The following UVRAG variants were observed in gnomAD, a reference collection of about 807,000 sequenced individuals.
UVRAG encodes the protein UV radiation resistance-associated gene protein.
A neutral mutation model predicts 78.0 loss-of-function variants in UVRAG; 19 were observed. The ratio of observed to expected loss-of-function variants is 0.24; its 90% CI spans 0.17 to 0.36. The LOEUF (loss-of-function observed/expected upper bound fraction) is 0.36, where lower values mean the gene tolerates loss of function less well. UVRAG is among the 10% of genes least tolerant of loss of function. The pLI is 1.00. For missense variants in UVRAG, 740 were observed against 853.8 expected (o/e 0.87, Z 1.66); for synonymous variants, 323 against 324.6 (o/e 1.00, Z 0.05).
chr11:75,976,553 T>C (rs1314531644), intron 7 of UVRAG, among the ~76,000 whole-genome samples: 1 of 152,216 alleles, frequency 6.6e-6, no homozygotes, highest in Non-Finnish European at 1.5e-5. Flanking sequence ...GAGCCTGTTA[T>C]TGCTCTATTC....
chr11:75,981,451 C>T (rs1949390253), intron 7 of UVRAG, among the ~76,000 whole-genome samples: 1 of 145,560 alleles, frequency 6.9e-6, no homozygotes, highest in Admixed American at 6.7e-5. Context: ...CTTTTCTTTT[C>T]GTTTTTTTTT....
intron 6 of UVRAG, among the ~76,000 whole-genome samples, chr11:75,951,224 T>C (rs1338381905): frequency 6.6e-6 from 1 of 152,170 alleles, no homozygotes; most frequent in African/African-American, 2.4e-5. Flanking sequence ...ATTTATTTCC[T>C]ATATACGTAT....
intron 13 of UVRAG, among the ~76,000 whole-genome samples, chr11:76,070,418 G>A (rs1366851709): frequency 6.6e-6 from 1 of 152,120 alleles, no homozygotes; most frequent in Non-Finnish European, 1.5e-5. Context: ...ATTGTATTGT[G>A]TACTGAAAAT....
chr11:75,925,186 A>C (rs1948071929), intron 6 of UVRAG, among the ~76,000 whole-genome samples: 1 of 152,200 alleles, frequency 6.6e-6, no homozygotes, highest in Non-Finnish European at 1.5e-5. Flanking sequence ...CGCTGGTGCC[A>C]GGCATGTTCC....
chr11:75,897,441 G>A (rs1947366354), intron 5 of UVRAG, among the ~76,000 whole-genome samples: 1 of 152,072 alleles, frequency 6.6e-6, no homozygotes, highest in Non-Finnish European at 1.5e-5. Context: ...TGACGTTCAG[G>A]GGGCTCATGA....
At chr11:76,139,726 A>G (rs1952671147) in intron 14 of UVRAG, among the ~76,000 whole-genome samples, 1 of 152,218 alleles carries the variant, frequency 6.6e-6, no homozygotes, top group Non-Finnish European at 1.5e-5. Flanking sequence ...CTCTATTTCC[A>G]TTAACTGATT....
At chr11:75,847,969 CAAA>C (rs35386754) in intron 1 of UVRAG, among the ~76,000 whole-genome samples, 4 of 69,820 alleles carry the variant, frequency 5.7e-5, no homozygotes, top group Admixed American at 3.5e-4. Context: ...GACTGTGTCT[CAAA>C]AAAAAAAAAA....
intron 5 of UVRAG, among the ~76,000 whole-genome samples, chr11:75,890,533 G>C (rs1947192619): frequency 1.3e-5 from 2 of 152,210 alleles, no homozygotes; most frequent in South Asian, 4.1e-4. Flanking sequence ...AGAAAACTAA[G>C]TGACACTGGA....
chr11:76,034,807 A>G (rs1950501343), intron 12 of UVRAG, among the ~76,000 whole-genome samples: 1 of 152,142 alleles, frequency 6.6e-6, no homozygotes, highest in Admixed American at 6.5e-5. Flanking sequence ...TCTTCCCATG[A>G]TGCTCATTAG....
intron 7 of UVRAG, among the ~76,000 whole-genome samples, chr11:75,983,047 G>A (rs1268864124): frequency 6.6e-6 from 1 of 151,978 alleles, no homozygotes; most frequent in Non-Finnish European, 1.5e-5. Context: ...TGGGTCTTAT[G>A]GTACCTCTGT....
intron 12 of UVRAG, among the ~76,000 whole-genome samples, chr11:76,029,649 A>G (rs1751919161): frequency 6.6e-6 from 1 of 152,196 alleles, no homozygotes; most frequent in African/African-American, 2.4e-5. Context: ...TGGATGAGCA[A>G]AGAAAGTGGT....
chr11:76,092,449 C>T (rs563861459), intron 13 of UVRAG, among the ~76,000 whole-genome samples: 1 of 152,292 alleles, frequency 6.6e-6, no homozygotes, highest in African/African-American at 2.4e-5. Context: ...TTTACAGTCC[C>T]ACCAACAGTG....
intron 6 of UVRAG, among the ~76,000 whole-genome samples, chr11:75,936,117 C>T (rs906271609): frequency 2.0e-5 from 3 of 152,148 alleles, no homozygotes; most frequent in South Asian, 2.1e-4. Context: ...AGAAGTAATG[C>T]GGAAGCAATA....
At chr11:76,049,694 C>G (rs1269113129) in intron 12 of UVRAG, among the ~76,000 whole-genome samples, 1 of 152,178 alleles carries the variant, frequency 6.6e-6, no homozygotes, top group Non-Finnish European at 1.5e-5. Flanking sequence ...CCCTCCATTC[C>G]ACAAATAAAT....
intron 11 of UVRAG, among the ~76,000 whole-genome samples, chr11:76,009,276 A>G (rs564979359): frequency 5.3e-5 from 8 of 152,290 alleles, no homozygotes; most frequent in Non-Finnish European, 1.0e-4. Context: ...GTATTTGAAA[A>G]TTTAATTTTG....
chr11:75,894,081 T>G (rs1004834631), intron 5 of UVRAG, among the ~76,000 whole-genome samples: 22 of 152,220 alleles, frequency 1.4e-4, no homozygotes, highest in African/African-American at 5.3e-4. Context: ...TACAAATGGT[T>G]AAAACATTAG....
In UVRAG at chr11:75,839,862, T is replaced by TATAG. The variant is rs146855804; in HGVS notation, c.118-12020_118-12019insTAGA. Among the ~76,000 whole-genome samples, 8 of 149,036 alleles carry TATAG rather than the reference T, an allele frequency of 5.4e-5. No individual in the cohort carries two copies. The East Asian group carries it at 5.9e-4, about 11-fold the overall frequency. Reference sequence around the variant, plus strand: ...ATACACACCCCCACACATATATATATAGAGAGAGAGAGAGAGAGAAAGAGA... The same window carrying TATAG: ...ATACACACCCCCACACATATATATATATAGAGAGAGAGAGAGAGAGAGAAAGAGA... On this transcript the variant is annotated intron_variant, in intron 1 of 14. Transcript: ENST00000356136.
intron 13 of UVRAG, among the ~76,000 whole-genome samples, chr11:76,077,457 G>A (rs1283905899): frequency 2.6e-5 from 4 of 152,076 alleles, no homozygotes; most frequent in African/African-American, 4.8e-5. Context: ...TTTTATCTCA[G>A]TTGGACATTT....
rs116303683 is a variant in UVRAG at position 75,985,956 on chromosome 11, A to G, written c.826+2443A>G. Reference sequence around the variant, plus strand: ...TTATAATAGGTGTTGATATCCATTAAAGTTCTTCAGCTTAATTGTTTTTCT... The same window carrying G: ...TTATAATAGGTGTTGATATCCATTAGAGTTCTTCAGCTTAATTGTTTTTCT... On this transcript the variant is annotated intron_variant, in intron 8 of 14. Coordinates refer to ENST00000356136, the MANE Select transcript of UVRAG (RefSeq NM_003369.4). Among the ~76,000 whole-genome samples, 537 of 152,182 alleles carry G rather than the reference A, an allele frequency of 3.5e-3. 3 individuals carry two copies. Among genetic ancestry groups the G allele is most frequent in the African/African-American group, 0.013 (528 of 41,538 alleles).
Sources: gnomAD v4.1 joint callset for allele counts (sites outside exome capture counted in the v4.1 genomes callset) on GRCh38, gnomAD v4.1.1 for gene constraint, MANE v1.5 for transcripts, NCBI Gene and HGNC (gene_info 2026-07-23, HGNC 2026-07-21) for gene names.